Variants in PARP16 observed in about 807,000 individuals in gnomAD.
The protein encoded by PARP16 is poly(ADP-ribose) polymerase family member 16, also known as protein mono-ADP-ribosyltransferase PARP16.
In PARP16, 31 loss-of-function variants were observed where a neutral mutation model predicts 35.0. The observed-to-expected ratio is 0.88, with a 90% CI of 0.66 to 1.19. PARP16 has a LOEUF of 1.19. Among genes scored for constraint, PARP16 ranks in the 50% most tolerant of loss-of-function variants. The probability of loss-of-function intolerance (pLI) is 0.00; values close to 1 mark genes in which losing one functional copy is unlikely to be tolerated. For missense variants in PARP16, 424 were observed against 411.2 expected (o/e 1.03, Z -0.27); for synonymous variants, 162 against 169.5 (o/e 0.96, Z 0.34).
downstream of PARP16, chr15:65,234,456 A>C (rs2088826488): frequency 6.6e-6 from 1 of 152,228 alleles, no homozygotes; most frequent in African/African-American, 2.4e-5. Flanking sequence ...AAACACACGC[A>C]ATGTTCATTC....
chr15:65,231,846 T>G (rs754007892), downstream of PARP16, among the ~76,000 whole-genome samples: 1 of 152,202 alleles, frequency 6.6e-6, no homozygotes, highest in Non-Finnish European at 1.5e-5. Flanking sequence ...ATATTCCTTC[T>G]TGTCTCTCAT....
At chr15:65,235,065 C>T (rs2088840158) in intron 3 of PARP16, among the ~76,000 whole-genome samples, 2 of 152,064 alleles carry the variant, frequency 1.3e-5, no homozygotes, top group African/African-American at 4.8e-5. Flanking sequence ...TTAATGGGTG[C>T]AGCACACCAA....
At chr15:65,243,516 G>T (rs1000948341) in intron 3 of PARP16, among the ~76,000 whole-genome samples, 2 of 152,184 alleles carry the variant, frequency 1.3e-5, no homozygotes, top group Admixed American at 6.5e-5. Context: ...CTCCCAAAGT[G>T]CTGGGATTAC....
chr15:65,263,773 T>A (rs2089811547), intron 3 of PARP16, among the ~76,000 whole-genome samples: 1 of 152,184 alleles, frequency 6.6e-6, no homozygotes, highest in South Asian at 2.1e-4. Context: ...GTGGGACATC[T>A]GGCACATCTA....
chr15:65,266,998 T>C (rs896721526), intron 2 of PARP16, among the ~76,000 whole-genome samples: 15 of 152,020 alleles, frequency 9.9e-5, no homozygotes, highest in Non-Finnish European at 1.3e-4. Flanking sequence ...TCCCAAAACT[T>C]TGGGAGGCCG....
At chr15:65,240,309 TGGTG>T (rs1394666723) in intron 3 of PARP16, among the ~76,000 whole-genome samples, 2 of 86,498 alleles carry the variant, frequency 2.3e-5, no homozygotes, top group Non-Finnish European at 5.2e-5. Flanking sequence ...TGTGTGTGTG[TGGTG>T]GGGGGGGCTA....
intron 1 of PARP16, among the ~76,000 whole-genome samples, chr15:65,284,593 T>A (rs1051175406): frequency 2.0e-5 from 3 of 151,960 alleles, no homozygotes; most frequent in Non-Finnish European, 2.9e-5. Context: ...CCCAAAGTGC[T>A]GGGATTACAG....
At chr15:65,234,007 C>T (rs567646493), downstream of PARP16, among the ~76,000 whole-genome samples, 1 of 152,184 alleles carries the variant, frequency 6.6e-6, no homozygotes, top group East Asian at 1.9e-4. Flanking sequence ...AGTATCTTAA[C>T]GTAGATATTG....
At chr15:65,267,742 A>C (rs1183297730) in intron 2 of PARP16, among the ~76,000 whole-genome samples, 1 of 111,120 alleles carries the variant, frequency 9.0e-6, no homozygotes. Flanking sequence ...GCTGGAGTGC[A>C]GTGACGCCAT....
At chr15:65,274,896 AC>A (rs2090201495) in intron 1 of PARP16, among the ~76,000 whole-genome samples, 1 of 152,102 alleles carries the variant, frequency 6.6e-6, no homozygotes, top group East Asian at 1.9e-4. Context: ...CAGGCGGATC[AC>A]CTGAGCTCAG....
chr15:65,245,754 C>G (rs2089194240), intron 3 of PARP16, among the ~76,000 whole-genome samples: 1 of 152,162 alleles, frequency 6.6e-6, no homozygotes, highest in South Asian at 2.1e-4. Flanking sequence ...TCAGAGGCGG[C>G]CTGTTTACTT....
chr15:65,247,608 T>A (rs571885640), intron 3 of PARP16, among the ~76,000 whole-genome samples: 18 of 152,186 alleles, frequency 1.2e-4, no homozygotes, highest in African/African-American at 4.3e-4. Flanking sequence ...ACAGGACTAG[T>A]ATCTTGGACT....
At chr15:65,286,151 G>A (rs2090586309) in intron 1 of PARP16, 102 bp downstream of exon 1, 2 of 954,276 alleles carry the variant, frequency 2.1e-6, no homozygotes. Flanking sequence ...AAGTCTGGCG[G>A]CTGTCATGTT....
downstream of PARP16, among the ~76,000 whole-genome samples, chr15:65,257,922 G>A (rs373263420): frequency 3.3e-5 from 5 of 152,140 alleles, no homozygotes; most frequent in East Asian, 3.9e-4. Context: ...AGGTACTCAC[G>A]TTTGTTAAGT....
At chr15:65,260,814 G>C in intron 5 of PARP16, 71 bp downstream of exon 5, 1 of 1,438,524 alleles carries the variant, frequency 7.0e-7, no homozygotes, top group African/African-American at 1.4e-5. Context: ...GGGGAGGGGA[G>C]GCTGATACCT....
intron 1 of PARP16, among the ~76,000 whole-genome samples, chr15:65,282,800 T>C (rs1224928055): frequency 2.3e-4 from 35 of 152,242 alleles, no homozygotes; most frequent in Non-Finnish European, 4.4e-5. Context: ...GCTGATGCTC[T>C]CTTAAGGGAT....
downstream of PARP16, among the ~76,000 whole-genome samples, chr15:65,257,289 C>T (rs887684224): frequency 1.3e-5 from 2 of 152,010 alleles, no homozygotes; most frequent in African/African-American, 4.8e-5. Flanking sequence ...TGGTGGCATG[C>T]GCCTGTAATC....
intron 2 of PARP16, among the ~76,000 whole-genome samples, chr15:65,269,157 G>C (rs2090003216): frequency 8.3e-6 from 1 of 120,648 alleles, no homozygotes; most frequent in Non-Finnish European, 1.8e-5. Context: ...GGTCACACCT[G>C]GCCCATTTTA....
intron 1 of PARP16, among the ~76,000 whole-genome samples, chr15:65,279,844 A>G (rs2090365533): frequency 1.3e-5 from 2 of 152,050 alleles, no homozygotes; most frequent in African/African-American, 2.4e-5. Context: ...CTTTAAACCA[A>G]TCAAATGAGA....
Sources: allele counts gnomAD v4.1 joint callset (sites outside exome capture counted in the v4.1 genomes callset), GRCh38; gene constraint gnomAD v4.1.1; transcripts MANE v1.5; gene names NCBI Gene and HGNC (gene_info 2026-07-23, HGNC 2026-07-21).